Variants in DHX37 observed in about 807,000 individuals in gnomAD.
DHX37 encodes probable ATP-dependent RNA helicase DHX37.
In DHX37, 52 loss-of-function variants were observed where a neutral mutation model predicts 134.3. The ratio of observed to expected loss-of-function variants is 0.39; its 90% CI spans 0.31 to 0.49. DHX37 has a LOEUF of 0.49. Among genes scored for constraint, DHX37 ranks in the 20% least tolerant of loss-of-function variants. The pLI, the probability that DHX37 is intolerant of heterozygous loss-of-function variation, is 0.93. For synonymous variants in DHX37, 634 were observed against 670.7 expected, an observed-to-expected ratio of 0.95 and a Z score of 0.85; for missense variants, 1,344 against 1,580.8, an observed-to-expected ratio of 0.85 and a Z score of 2.54.
intron 15 of DHX37, among the ~76,000 whole-genome samples, chr12:124,962,871 G>A (rs748004758): frequency 2.0e-5 from 3 of 152,108 alleles, no homozygotes; most frequent in Non-Finnish European, 2.9e-5. Context: ...TGGTGAGGAC[G>A]TGAAGAAACT....
chr12:124,974,996 G>A (rs1271547515), intron 6 of DHX37, among the ~76,000 whole-genome samples: 6 of 152,000 alleles, frequency 3.9e-5, no homozygotes, highest in Admixed American at 2.0e-4. Context: ...GGTTGGTCTC[G>A]AATTCCAGAC....
chr12:124,971,365 C>T lies in DHX37; in HGVS notation c.1128G>A (p.Glu376=). The T allele has an allele frequency of 1.2e-6, 2 of 1,613,474 alleles. No homozygotes were observed. The highest frequency in any genetic ancestry group is 1.7e-5 in the Admixed American group (1 of 60,022). ...TGAGGATGTCCGTGTACACGCTCCT[C>T]TCGTGGGCCTCGTCGATGATCACCA... ...YKVVIIDEAH[E]RSVYTDILIG... The change falls in exon 8 of 27, where the codon GAG becomes GAA. Residue 376 remains glutamate (E), a synonymous_variant. Transcript: ENST00000308736.
rs183917068 is a variant in DHX37, at chr12:124,948,869, A to G, written c.3291-688T>C. On this transcript the variant is annotated intron_variant, in intron 25 of 26. Transcript: ENST00000308736. The stretch of plus-strand genomic sequence containing the variant: ...AGAAGGCAAAGGGTCCCCTTCCCCT[A>G]ATCATCCCGGGACAGAAGGCTCTAG... Among the ~76,000 whole-genome samples the G allele has an allele frequency of 3.6e-3, 549 of 151,904 alleles. 4 individuals are homozygous for G. The highest frequency in any genetic ancestry group is 4.7e-3 in the Non-Finnish European group (322 of 67,894).
In DHX37 at chr12:124,972,549, C is replaced by G. The variant is rs779525652; in HGVS notation, c.1031G>C (p.Arg344Thr). The G allele has an allele frequency of 1.2e-6, 2 of 1,614,260 alleles. No homozygotes were observed. Among genetic ancestry groups the G allele is most frequent in the Non-Finnish European group, 1.7e-6 (2 of 1,180,048 alleles). Residue 344 changes from arginine (R) to threonine (T), a missense_variant, in exon 7 of 27, where the codon AGA (arginine) becomes ACA (threonine). Physicochemically the swap from Arg to Thr is moderately conservative, Grantham distance 71. Coordinates refer to ENST00000308736, the MANE Select transcript of DHX37 (RefSeq NM_032656.4). Reference sequence around the variant, plus strand: ...CACACCATCCGTCATGAACTTGATTCTGGTCTCCTCTGTCACGTTTCCTTC... The same window carrying G: ...CACACCATCCGTCATGAACTTGATTGTGGTCTCCTCTGTCACGTTTCCTTC... Reference protein sequence around the residue: ...RYEGNVTEETRIKFMTDGVLL... With the variant: ...RYEGNVTEETTIKFMTDGVLL...
chr12:124,965,812 C>T lies in DHX37; in HGVS notation c.1591G>A (p.Val531Met), dbSNP rs1313928359. 1 of 1,613,018 alleles carries T rather than the reference C, an allele frequency of 6.2e-7. No homozygotes were observed. Among genetic ancestry groups the T allele is most frequent in the African/African-American group, 1.3e-5 (1 of 75,040 alleles). The change falls in exon 13 of 27, where the codon GTG becomes ATG. Residue 531 changes from valine (V) to methionine (M), a missense_variant and splice_region_variant. Around this residue, in one of 7 missense-constraint regions of DHX37, gnomAD observed 289 missense variants for 323.8 expected, o/e 0.89. Transcript: ENST00000308736. ...RARAKKARAEVLPQINLDHYS... is the reference protein window; with the variant it reads ...RARAKKARAEMLPQINLDHYS... The stretch of plus-strand genomic sequence containing the variant: ...TGATCCAAGTTGATCTGGGGCAGCA[C>T]CTACGGCGAACAAGACATAGACACC...
chr12:124,975,548 GC>G (rs767604664), intron 5 of DHX37, 37 bp from the exon 6 acceptor site: 8 of 1,600,218 alleles, frequency 5.0e-6, no homozygotes, highest in Middle Eastern at 1.6e-4. Context: ...ACAGTGCGCG[GC>G]CCCACCTGTT....
chr12:124,950,602 G>A, intron 22 of DHX37, 52 bp from the exon 23 acceptor site: 1 of 1,552,940 alleles, frequency 6.4e-7, no homozygotes. Flanking sequence ...CCGTGGGAGG[G>A]GCTGCCATGC....
intron 8 of DHX37, among the ~76,000 whole-genome samples, chr12:124,970,034 G>A (rs964718196): frequency 1.3e-5 from 2 of 152,200 alleles, no homozygotes; most frequent in Non-Finnish European, 1.5e-5. Flanking sequence ...GTGCAGTGGC[G>A]CGATCGCGGC....
intron 15 of DHX37, 99 bp from the exon 16 acceptor site, chr12:124,960,522 C>G: frequency 4.6e-6 from 7 of 1,518,476 alleles, no homozygotes; most frequent in Non-Finnish European, 5.3e-6. Context: ...ACAAACAAAA[C>G]TCAGTCATGC....
chr12:124,963,191 C>T (rs534055031), intron 15 of DHX37, among the ~76,000 whole-genome samples: 26 of 152,212 alleles, frequency 1.7e-4, no homozygotes, highest in Non-Finnish European at 3.7e-4. Flanking sequence ...GGTGCTGACA[C>T]CTGCCACCCG....
At chr12:124,971,445 C>T (rs1221901360) in intron 7 of DHX37, 30 bp from the exon 8 acceptor site, 6 of 1,608,656 alleles carry the variant, frequency 3.7e-6, no homozygotes, top group Non-Finnish European at 4.2e-6. Flanking sequence ...GAGGCCCACC[C>T]TTCCAGCCTA....
chr12:124,988,238 C>A (rs1191441888), intron 1 of DHX37, among the ~76,000 whole-genome samples: 1 of 152,062 alleles, frequency 6.6e-6, no homozygotes, highest in East Asian at 1.9e-4. Context: ...CCAGGCCCGA[C>A]CTGCCCTGGC....
intron 8 of DHX37, 40 bp from the exon 9 acceptor site, chr12:124,969,008 G>T: frequency 6.3e-7 from 1 of 1,591,034 alleles, no homozygotes; most frequent in Non-Finnish European, 8.6e-7. Flanking sequence ...CCCCAGGACC[G>T]CAGGTGGGTC....
rs1954928988 is a variant in DHX37 at position 124,989,017 on chromosome 12, C to T, written c.6G>A (p.Gly2=). 2.2e-6 allele frequency: 3 copies of T among 1,370,824 alleles called. No homozygotes were observed. Among genetic ancestry groups the T allele is most frequent in the South Asian group, 2.0e-5 (1 of 49,230 alleles). The allele number at this position is 1,370,824 out of a possible 1,614,324, so 84.9% of individuals were successfully genotyped here. A position where few individuals can be genotyped will look rare whatever the true frequency, so the allele number is the denominator to read the frequency against. Residue 2 remains glycine, a synonymous_variant, in exon 1 of 27, where the codon GGG becomes GGA. Coordinates refer to ENST00000308736, the MANE Select transcript of DHX37 (RefSeq NM_032656.4). ...TGATGTTGTAGCGCCGGCGCAGCTT[C>T]CCCATGGCGACTAGGCCAGGGTGGG... M[G]KLRRRYNIKG...
chr12:124,958,438 C>A (rs190447021), intron 16 of DHX37, among the ~76,000 whole-genome samples: 2 of 152,254 alleles, frequency 1.3e-5, no homozygotes, highest in Non-Finnish European at 2.9e-5. Flanking sequence ...CCCAGCCACA[C>A]TGAGCTCCCA....
At chr12:124,985,464 T>C (rs539587997) in intron 2 of DHX37, among the ~76,000 whole-genome samples, 2 of 151,788 alleles carry the variant, frequency 1.3e-5, no homozygotes, top group East Asian at 1.9e-4. Context: ...TGGCTGGGCA[T>C]GGTGGTTCAC....
chr12:124,986,389 G>A, intron 1 of DHX37, 124 bp from the exon 2 acceptor site: 1 of 1,061,540 alleles, frequency 9.4e-7, no homozygotes, highest in Non-Finnish European at 1.4e-6. Context: ...GGATCTGTGA[G>A]CTCAAATCTA....
At chr12:124,971,982 C>T (rs1425669512) in intron 7 of DHX37, among the ~76,000 whole-genome samples, 1 of 152,214 alleles carries the variant, frequency 6.6e-6, no homozygotes, top group East Asian at 1.9e-4. Context: ...CTTCTGAGGC[C>T]AGGGACCGTG....
chr12:124,961,239 TACACGCGTGCACGCACGCACAC>T (rs1566332323), intron 15 of DHX37, among the ~76,000 whole-genome samples: 7 of 91,580 alleles, frequency 7.6e-5, no homozygotes, highest in African/African-American at 3.6e-4. Flanking sequence ...CACACACACA[TACACGCGTGCACGCACGCACAC>T]ACATACACGC....
Sources: allele counts gnomAD v4.1 joint callset (sites outside exome capture counted in the v4.1 genomes callset), GRCh38; gene constraint gnomAD v4.1.1; regional missense constraint gnomAD v4.1.1; transcripts MANE v1.5; gene names NCBI Gene and HGNC (gene_info 2026-07-23, HGNC 2026-07-21).